The following KCTD7 variants were observed in gnomAD, a reference collection of about 807,000 sequenced individuals.
KCTD7 encodes the protein BTB/POZ domain-containing protein KCTD7.
Under a neutral mutation model 27.0 loss-of-function variants are expected in KCTD7, and 15 were observed. That is an observed-to-expected ratio of 0.56 (90% CI 0.37 to 0.86). The LOEUF (loss-of-function observed/expected upper bound fraction) is 0.86, where lower values mean the gene tolerates loss of function less well. KCTD7 is among the 40% of genes least tolerant of loss of function. The probability of loss-of-function intolerance (pLI) is 0.00; values close to 1 mark genes in which losing one functional copy is unlikely to be tolerated. For missense variants in KCTD7, 299 were observed against 398.9 expected (o/e 0.75, Z 2.13); for synonymous variants, 159 against 162.7 (o/e 0.98, Z 0.17).
rs1786685186 is a variant in KCTD7 at position 66,640,256 on chromosome 7, T to A, written c.*1024T>A. Reference sequence around the variant, plus strand: ...GGAAGGGCTGGGTGAGACACACAGCTATCCTAGGAGCCGTAGGAAGACAAA... The same window carrying A: ...GGAAGGGCTGGGTGAGACACACAGCAATCCTAGGAGCCGTAGGAAGACAAA... On this transcript the variant is annotated 3_prime_UTR_variant, in exon 4 of 4. Transcript: ENST00000639828. 3.4e-6 allele frequency: 5 copies of A among 1,487,174 alleles called. No individual in the cohort carries two copies. The Admixed American group carries it at 1.1e-4, about 33-fold the overall frequency. The allele number at this position is 1,487,174 out of a possible 1,614,324, so 92.1% of individuals were successfully genotyped here.
chr7:66,641,340 G>A lies in KCTD7; in HGVS notation c.*2108G>A. 2.0e-6 allele frequency: 2 copies of A among 985,398 alleles called. No homozygotes were observed. The highest frequency in any genetic ancestry group is 2.4e-6 in the Non-Finnish European group (2 of 829,920). 61.0% of individuals were successfully genotyped at this position (985,398 alleles called of 1,614,324 possible). A position where few individuals can be genotyped will look rare whatever the true frequency, so the allele number is the denominator to read the frequency against. ...GAGGCAGACTATTGAAAAAGTCTGT[G>A]TGAACAGAGAGCAGTTCATTAAGCC... On this transcript the variant is annotated 3_prime_UTR_variant, in exon 4 of 4. Transcript: ENST00000639828.
rs1027057052 is a variant in KCTD7, at chr7:66,631,093, A to G, written c.144+1885A>G. ...CAGAAGAGTAACAGTGCATACACAC[A>G]CGGAAGTGTAACTACCTGTCTATTT... On this transcript the variant is annotated intron_variant, in intron 1 of 3. Transcript: ENST00000639828. Among the ~76,000 whole-genome samples, 102 of 152,374 alleles carry G rather than the reference A, an allele frequency of 6.7e-4. 1 individual carries two copies. The highest frequency in any genetic ancestry group is 2.4e-3 in the African/African-American group (101 of 41,598).
chr7:66,634,431 C>A (rs1276247447), intron 2 of KCTD7, among the ~76,000 whole-genome samples: 1 of 151,710 alleles, frequency 6.6e-6, no homozygotes, highest in Non-Finnish European at 1.5e-5. Flanking sequence ...GGTTGTTCAC[C>A]AGTGCCATCA....
chr7:66,641,860 T>C lies in KCTD7; in HGVS notation c.*2628T>C. On this transcript the variant is annotated 3_prime_UTR_variant, in exon 4 of 4. Transcript: ENST00000639828. ...AAGTGACTTTTCCCCATTTGATCCC[T>C]TTTCAACTCTAAATGGCCAGGCCCA... 8.1e-6 allele frequency: 8 copies of C among 985,472 alleles called. No individual in the cohort carries two copies. Among genetic ancestry groups the C allele is most frequent in the Non-Finnish European group, 9.6e-6 (8 of 829,946 alleles). The allele number at this position is 985,472 out of a possible 1,614,324, so 61.0% of individuals were successfully genotyped here.
At position 66,638,886 on chromosome 7, in the gene KCTD7, G is replaced by A. The variant is rs758709078; in HGVS notation, c.524G>A (p.Arg175Gln). The A allele has an allele frequency of 1.5e-5, 25 of 1,613,856 alleles. No homozygotes were observed. The highest frequency in any genetic ancestry group is 6.6e-5 in the South Asian group (6 of 91,078). ...TTGGAGCGGATTGTGGAGATCGCCC[G>A]GCTGCGTGCGGTCCAGCGGAAGGCC... ...DHLERIVEIA[R>Q]LRAVQRKARF... The change falls in exon 4 of 4, where the codon CGG becomes CAG. Residue 175 changes from arginine (R) to glutamine (Q), a missense_variant. By Grantham distance (43) the Arg-to-Gln change is conservative (BLOSUM62 1). Transcript: ENST00000639828.
chr7:66,629,867 A>G (rs1356935801), intron 1 of KCTD7, among the ~76,000 whole-genome samples: 1 of 152,206 alleles, frequency 6.6e-6, no homozygotes, highest in Non-Finnish European at 1.5e-5. Flanking sequence ...GTCACCTGGC[A>G]TCCCATGGCT....
chr7:66,630,037 T>C (rs1786411961), intron 1 of KCTD7, among the ~76,000 whole-genome samples: 1 of 152,178 alleles, frequency 6.6e-6, no homozygotes, highest in South Asian at 2.1e-4. Flanking sequence ...TTTGGGATGC[T>C]GAGGTGGGAG....
chr7:66,639,994 C>T lies in KCTD7; in HGVS notation c.*762C>T. The T allele has an allele frequency of 9.5e-6, 12 of 1,257,438 alleles. No individual in the cohort carries two copies. The highest frequency in any genetic ancestry group is 1.2e-5 in the Non-Finnish European group (12 of 1,004,510). 77.9% of individuals were successfully genotyped at this position (1,257,438 alleles called of 1,614,324 possible). On this transcript the variant is annotated 3_prime_UTR_variant, in exon 4 of 4. Transcript: ENST00000639828. ...TCTCACAGGGCTGGAATGCAAATTT[C>T]AGAGGCTTCTTTTGAAGATTCCCCA...
intron 1 of KCTD7, among the ~76,000 whole-genome samples, chr7:66,630,999 G>A (rs563145475): frequency 3.3e-5 from 5 of 152,186 alleles, no homozygotes; most frequent in East Asian, 1.9e-4. Context: ...CTGAGCCCTT[G>A]ATATACACAT....
rs376944331 is a variant in KCTD7, at chr7:66,638,983, C to A, written c.621C>A (p.Leu207=). The A allele has an allele frequency of 4.6e-5, 75 of 1,614,106 alleles. No homozygotes were observed. The South Asian group carries it at 4.9e-4, about 11-fold the overall frequency. The stretch of plus-strand genomic sequence containing the variant: ...TCACCCCCTATGAGTGTCCGCTCCT[C>A]AACTCCCTGCGATTTGAGCGGAGTG... ...MPITPYECPL[L]NSLRFERSES... is the part of the protein sequence containing the mutation. Residue 207 remains leucine, a synonymous_variant, in exon 4 of 4, where the codon CTC becomes CTA. Transcript: ENST00000639828.
chr7:66,631,999 G>A (rs565072060), intron 1 of KCTD7, among the ~76,000 whole-genome samples: 19 of 152,274 alleles, frequency 1.2e-4, no homozygotes, highest in South Asian at 4.1e-4. Flanking sequence ...GCGATGTATC[G>A]TGCTAGGTGC....
rs563887098 is a variant in KCTD7, at chr7:66,639,634, C to A, written c.*402C>A. 3.7e-6 allele frequency: 5 copies of A among 1,336,726 alleles called. No individual in the cohort carries two copies. In the Admixed American group the frequency reaches 9.5e-5, roughly 25 times the overall value. 82.8% of individuals were successfully genotyped at this position (1,336,726 alleles called of 1,614,324 possible). ...AATCACTTCCTCAACCCTGTTCAAG[C>A]GTCCCTCCCTTGTGCTCAGTATATT... On this transcript the variant is annotated 3_prime_UTR_variant, in exon 4 of 4. Transcript: ENST00000639828.
At chr7:66,631,681 A>G (rs968672314) in intron 1 of KCTD7, among the ~76,000 whole-genome samples, 6 of 151,998 alleles carry the variant, frequency 3.9e-5, no homozygotes, top group Admixed American at 2.6e-4. Context: ...GCAGTTTGGT[A>G]GAAACCACAA....
Position 66,628,969 on chromosome 7 carries a change from G to T in KCTD7, c.-96G>T. The T allele has an allele frequency of 2.3e-6, 3 of 1,297,508 alleles. No homozygotes were observed. The highest frequency in any genetic ancestry group is 1.6e-5 in the South Asian group (1 of 63,144). The allele number at this position is 1,297,508 out of a possible 1,614,324, so 80.4% of individuals were successfully genotyped here. A position where few individuals can be genotyped will look rare whatever the true frequency, so the allele number is the denominator to read the frequency against. ...GCCCCCCTCCGGCCAGCCCGCAGCC[G>T]GCCGCGTCATGCCAGGCGCTGCTCG... On this transcript the variant is annotated 5_prime_UTR_variant, in exon 1 of 4. Coordinates refer to ENST00000639828, the MANE Select transcript of KCTD7 (RefSeq NM_153033.5).
chr7:66,638,203 G>A (rs779291721), intron 2 of KCTD7, 50 bp from the exon 3 acceptor site: 1 of 1,602,172 alleles, frequency 6.2e-7, no homozygotes, highest in Non-Finnish European at 8.6e-7. Flanking sequence ...GTGTGGCACT[G>A]CCCAGGAGCA....
intron 1 of KCTD7, 36 bp downstream of exon 1, chr7:66,629,244 A>G (rs1171876685): frequency 1.1e-5 from 7 of 651,864 alleles, no homozygotes; most frequent in Non-Finnish European, 9.7e-6. Flanking sequence ...GGGCGTGGGG[A>G]GGGGCGCGGG....
intron 1 of KCTD7, 70 bp downstream of exon 1, chr7:66,629,278 C>T (rs1353452849): frequency 3.1e-5 from 7 of 224,314 alleles, no homozygotes; most frequent in Middle Eastern, 4.1e-3. Context: ...CGGGGCATAG[C>T]GGTCCTCGGC....
Position 66,641,684 on chromosome 7 carries a change from A to C in KCTD7, c.*2452A>C. On this transcript the variant is annotated 3_prime_UTR_variant, in exon 4 of 4. Transcript: ENST00000639828. The stretch of plus-strand genomic sequence containing the variant: ...AACAGGCAGAGAGGTGACACTGGGC[A>C]GCAAGCTGAGAGCTCTTTCTAAATG... 1 of 985,452 alleles carries C rather than the reference A, an allele frequency of 1.0e-6. No individual in the cohort carries two copies. Among genetic ancestry groups the C allele is most frequent in the South Asian group, 4.7e-5 (1 of 21,292 alleles). 61.0% of individuals were successfully genotyped at this position (985,452 alleles called of 1,614,324 possible).
intron 2 of KCTD7, among the ~76,000 whole-genome samples, chr7:66,637,573 T>C (rs1786616575): frequency 6.6e-6 from 1 of 152,204 alleles, no homozygotes; most frequent in Non-Finnish European, 1.5e-5. Context: ...GTTTTTATTA[T>C]TTATTTGGTG....
Sources: allele counts gnomAD v4.1 joint callset (sites outside exome capture counted in the v4.1 genomes callset), GRCh38; gene constraint gnomAD v4.1.1; transcripts MANE v1.5; gene names NCBI Gene and HGNC (gene_info 2026-07-23, HGNC 2026-07-21).